The following ZNF138 variants were observed in gnomAD, a reference collection of about 807,000 sequenced individuals.
ZNF138 encodes zinc finger protein 138, also known as zinc finger protein 138 (clone pHZ-32).
ZNF138 carries 33 observed loss-of-function variants against 33.0 expected under a neutral mutation model. That is an observed-to-expected ratio of 1.00 (90% CI 0.76 to 1.34). The LOEUF is 1.34. ZNF138 is among the 40% of genes most tolerant of loss of function. The pLI is 0.00. For synonymous variants in ZNF138, 139 were observed against 120.4 expected (o/e 1.15, Z -1.01); for missense variants, 360 against 370.8 (o/e 0.97, Z 0.24).
chr7:64,831,403 ATCTGAG>A, intron 3 of ZNF138, 42 bp from the exon 4 acceptor site: 3 of 1,445,814 alleles, frequency 2.1e-6, no homozygotes, highest in Non-Finnish European at 2.8e-6. Context: ...AAGTATATTC[ATCTGAG>A]TCTAGCAGGT....
intron 1 of ZNF138, among the ~76,000 whole-genome samples, chr7:64,809,617 C>T (rs1422773847): frequency 6.7e-6 from 1 of 149,000 alleles, no homozygotes; most frequent in Non-Finnish European, 1.5e-5. Flanking sequence ...ACCTCCCTCC[C>T]AGACGGGGTG....
chr7:64,808,766 T>C (rs1199517123), intron 1 of ZNF138, among the ~76,000 whole-genome samples: 1 of 134,006 alleles, frequency 7.5e-6, no homozygotes, highest in Admixed American at 7.7e-5. Flanking sequence ...TGTCCCTGGG[T>C]ACTTGAGATT....
At position 64,815,589 on chromosome 7, in the gene ZNF138, T is replaced by C. The variant is rs1264034507; in HGVS notation, c.144T>C (p.Cys48=). 1.9e-6 allele frequency: 3 copies of C among 1,612,464 alleles called. No homozygotes were observed. Among genetic ancestry groups the C allele is most frequent in the Non-Finnish European group, 2.5e-6 (3 of 1,179,338 alleles). The change falls in exon 3 of 4, where the codon TGT becomes TGC. Residue 48 remains cysteine (C), a synonymous_variant. Coordinates refer to ENST00000307355, the MANE Select transcript of ZNF138 (RefSeq NM_001271639.2). ...TCTCTAAGCCAGACCTGATTACCTG[T>C]CTGGAACAAGGAAAAGAGCCCTGGA... ...RNLVFLDLIT[C]LEQGKEPWNM... is the part of the protein sequence containing the mutation.
At chr7:64,824,151 A>T (rs1789390784) in intron 3 of ZNF138, among the ~76,000 whole-genome samples, 1 of 152,040 alleles carries the variant, frequency 6.6e-6, no homozygotes, top group Non-Finnish European at 1.5e-5. Flanking sequence ...GGACCTAGGG[A>T]AGTGTTTGGG....
chr7:64,845,873 T>C, the ZNF138 span, among the ~76,000 whole-genome samples: 2 of 152,200 alleles, frequency 1.3e-5, no homozygotes, highest in Non-Finnish European at 2.9e-5. Flanking sequence ...TCTGGGTTTT[T>C]GTTTATAGTT....
At chr7:64,817,865 G>A (rs1308394739) in intron 3 of ZNF138, among the ~76,000 whole-genome samples, 1 of 151,956 alleles carries the variant, frequency 6.6e-6, no homozygotes, top group Non-Finnish European at 1.5e-5. Context: ...TAGTTAATTA[G>A]TAGGCACTCC....
rs569304038 is a variant in ZNF138, at chr7:64,832,349, C to T, written c.*147C>T. On this transcript the variant is annotated 3_prime_UTR_variant, in exon 4 of 4. Transcript: ENST00000307355. ...AACCCCACAAATGTGAAGAATGTGG[C>T]AGAGCTTTTAACCAGTCCGCAAAGC... 8.7e-5 allele frequency: 135 copies of T among 1,559,716 alleles called. No individual in the cohort carries two copies. In the African/African-American group the frequency reaches 1.6e-3, roughly 19 times the overall value.
chr7:64,836,206 G>A (rs909336279), downstream of ZNF138: 3 of 152,140 alleles, frequency 2.0e-5, no homozygotes, highest in African/African-American at 7.2e-5. Context: ...TATAGGGGTG[G>A]ATGAATTTCT....
chr7:64,844,539 C>T, the ZNF138 span, among the ~76,000 whole-genome samples: 394 of 151,894 alleles, frequency 2.6e-3, no homozygotes, highest in African/African-American at 8.8e-3. Flanking sequence ...CTTCTGCATC[C>T]GCAAAATGAG....
chr7:64,806,625 G>C (rs1385977961), intron 1 of ZNF138, among the ~76,000 whole-genome samples: 1 of 152,104 alleles, frequency 6.6e-6, no homozygotes, highest in Non-Finnish European at 1.5e-5. Context: ...TTAGTTACAA[G>C]GCTCAAAGAG....
the ZNF138 span, among the ~76,000 whole-genome samples, chr7:64,850,776 T>C: frequency 2.0e-5 from 3 of 152,146 alleles, no homozygotes; most frequent in East Asian, 1.9e-4. Context: ...GCCCAATAAG[T>C]CCCCAGCACA....
intron 3 of ZNF138, among the ~76,000 whole-genome samples, chr7:64,823,964 C>A (rs867895956): frequency 1.3e-5 from 2 of 152,054 alleles, no homozygotes; most frequent in Middle Eastern, 3.2e-3. Context: ...AAATTTAATA[C>A]GGCTTGGTAT....
At chr7:64,818,110 A>T (rs1049607514) in intron 3 of ZNF138, among the ~76,000 whole-genome samples, 4 of 150,970 alleles carry the variant, frequency 2.6e-5, no homozygotes, top group Non-Finnish European at 5.9e-5. Context: ...CAGCCTCCCA[A>T]GTAGCTGGGA....
At chr7:64,828,822 T>C (rs1789853532) in intron 3 of ZNF138, among the ~76,000 whole-genome samples, 1 of 152,036 alleles carries the variant, frequency 6.6e-6, no homozygotes, top group Non-Finnish European at 1.5e-5. Flanking sequence ...TTATTGTCTC[T>C]CGACATTTTA....
the ZNF138 span, among the ~76,000 whole-genome samples, chr7:64,840,104 T>C: frequency 6.6e-6 from 1 of 151,910 alleles, no homozygotes; most frequent in Non-Finnish European, 1.5e-5. Context: ...AAATGCTGAG[T>C]CGGGGTATCT....
At chr7:64,844,742 A>G in the ZNF138 span, among the ~76,000 whole-genome samples, 1 of 152,000 alleles carries the variant, frequency 6.6e-6, no homozygotes. Context: ...GCTGGAGTAC[A>G]CTGGCACAAT....
At chr7:64,849,182 G>T in the ZNF138 span, among the ~76,000 whole-genome samples, 13 of 152,208 alleles carry the variant, frequency 8.5e-5, 1 homozygote, top group African/African-American at 3.1e-4. Context: ...TATCAATGTG[G>T]CTTCTTGAGA....
chr7:64,842,604 T>C, the ZNF138 span, among the ~76,000 whole-genome samples: 1 of 152,200 alleles, frequency 6.6e-6, no homozygotes, highest in African/African-American at 2.4e-5. Flanking sequence ...ATGGCAACTT[T>C]TAGATTATTT....
chr7:64,815,134 G>A, intron 2 of ZNF138, 90 bp downstream of exon 2: 2 of 1,283,930 alleles, frequency 1.6e-6, no homozygotes, highest in Admixed American at 2.9e-5. Flanking sequence ...GGTAATTTAT[G>A]CTTTGCATAA....
Sources: allele counts gnomAD v4.1 joint callset (sites outside exome capture counted in the v4.1 genomes callset), GRCh38; gene constraint gnomAD v4.1.1; transcripts MANE v1.5; gene names NCBI Gene and HGNC (gene_info 2026-07-23, HGNC 2026-07-21).